The following MMEL1 variants were observed in gnomAD, a reference collection of about 807,000 sequenced individuals.
MMEL1 encodes the protein membrane metallo-endopeptidase-like 1.
In MMEL1, 98 loss-of-function variants were observed where a neutral mutation model predicts 117.1. That is an observed-to-expected ratio of 0.84 (90% CI 0.71 to 0.99). The LOEUF (loss-of-function observed/expected upper bound fraction) is 0.99, where lower values mean the gene tolerates loss of function less well. Among genes scored for constraint, MMEL1 ranks in the 50% least tolerant of loss-of-function variants. The pLI is 0.00. For missense variants in MMEL1, 1,014 were observed against 1,049.1 expected, an observed-to-expected ratio of 0.97 and a Z score of 0.46; for synonymous variants, 390 against 415.1, an observed-to-expected ratio of 0.94 and a Z score of 0.74.
chr1:2,602,553 C>T (rs920239311), intron 11 of MMEL1, among the ~76,000 whole-genome samples: 7 of 152,204 alleles, frequency 4.6e-5, no homozygotes, highest in African/African-American at 9.6e-5. Context: ...GCCCGGGCTA[C>T]GTGGCAGCCT....
chr1:2,619,336 C>T (rs571886979), intron 2 of MMEL1, among the ~76,000 whole-genome samples: 68 of 152,220 alleles, frequency 4.5e-4, no homozygotes, highest in African/African-American at 1.5e-3. Context: ...AATAAAATAA[C>T]GTAAGTACGT....
chr1:2,598,536 C>T, intron 12 of MMEL1, 118 bp downstream of exon 12: 1 of 1,498,556 alleles, frequency 6.7e-7, no homozygotes, highest in Non-Finnish European at 9.0e-7. Context: ...TCATGTCCCA[C>T]ACCCCTCAGG....
At chr1:2,631,486 G>A (rs1181021381) in intron 1 of MMEL1, among the ~76,000 whole-genome samples, 1 of 151,802 alleles carries the variant, frequency 6.6e-6, no homozygotes, top group African/African-American at 2.4e-5. Flanking sequence ...GCAACACCCT[G>A]CAAAGGTGGC....
chr1:2,630,617 CTG>C (rs1638508568), intron 1 of MMEL1, among the ~76,000 whole-genome samples: 1 of 140,316 alleles, frequency 7.1e-6, no homozygotes, highest in Non-Finnish European at 1.5e-5. Context: ...ATGTGTGTGA[CTG>C]CACGTGTGTG....
chr1:2,609,445 A>G (rs931263233), intron 5 of MMEL1, 26 bp from the exon 6 acceptor site: 3 of 1,601,722 alleles, frequency 1.9e-6, no homozygotes, highest in Non-Finnish European at 1.7e-6. Flanking sequence ...AAGGTTGGAC[A>G]GAGGCCTGAC....
chr1:2,604,052 CGGCCCACCCAGCACCCCCTCACCTT>C, intron 10 of MMEL1, 70 bp downstream of exon 10: 1 of 1,580,002 alleles, frequency 6.3e-7, no homozygotes, highest in Non-Finnish European at 8.6e-7. Flanking sequence ...TGCCTGCTAC[CGGCCCACCCAGCACCCCCTCACCTT>C]GGCCAGCCAC....
intron 11 of MMEL1, 46 bp from the exon 12 acceptor site, chr1:2,598,836 A>G: frequency 2.0e-6 from 3 of 1,537,576 alleles, no homozygotes; most frequent in Non-Finnish European, 2.7e-6. Context: ...AGAGAGAGGG[A>G]GAAACAGTTC....
chr1:2,603,229 C>T (rs1048915723), intron 11 of MMEL1, among the ~76,000 whole-genome samples: 2 of 152,192 alleles, frequency 1.3e-5, no homozygotes, highest in Non-Finnish European at 2.9e-5. Flanking sequence ...CTTTGGACCC[C>T]CTTCTGCCCT....
At chr1:2,625,969 G>A (rs946146260) in intron 2 of MMEL1, among the ~76,000 whole-genome samples, 2 of 152,148 alleles carry the variant, frequency 1.3e-5, no homozygotes, top group Non-Finnish European at 2.9e-5. Flanking sequence ...TTCACAGATG[G>A]TTCTGCATGA....
intron 6 of MMEL1, among the ~76,000 whole-genome samples, chr1:2,607,823 G>T (rs1016957892): frequency 1.8e-4 from 27 of 152,060 alleles, no homozygotes; most frequent in Admixed American, 7.2e-4. Flanking sequence ...GCTTGGCTAG[G>T]GTCCTATGCT....
chr1:2,609,682 C>T lies in MMEL1; in HGVS notation c.442G>A (p.Val148Ile). The T allele has an allele frequency of 6.2e-7, 1 of 1,610,298 alleles. No homozygotes were observed. Among genetic ancestry groups the T allele is most frequent in the Non-Finnish European group, 8.5e-7 (1 of 1,178,198 alleles). Residue 148 changes from valine to isoleucine, a missense_variant, in exon 5 of 24, where the codon GTC becomes ATC. Physicochemically the swap from Val to Ile is conservative, Grantham distance 29. Coordinates refer to ENST00000378412, the MANE Select transcript of MMEL1 (RefSeq NM_033467.4). Reference protein sequence around the residue: ...IFDVLRDELEVILKAVLENST... With the variant: ...IFDVLRDELEIILKAVLENST... ...CGTGCTCTGCCACCTTTGAGGATGA[C>T]CTCCAGCTCGTCGCGGAGGACGTCA...
intron 8 of MMEL1, 82 bp from the exon 9 acceptor site, chr1:2,605,705 C>A (rs1446444077): frequency 2.9e-6 from 3 of 1,052,480 alleles, no homozygotes; most frequent in African/African-American, 3.2e-5. Flanking sequence ...GCCGCCTCCC[C>A]ACAGGACTGT....
At chr1:2,593,075 G>T in intron 19 of MMEL1, 109 bp from the exon 20 acceptor site, 1 of 1,399,844 alleles carries the variant, frequency 7.1e-7, no homozygotes, top group Non-Finnish European at 9.8e-7. Context: ...GCCAGCCCCA[G>T]TACGGAGAGC....
chr1:2,625,586 T>G (rs774611226), intron 2 of MMEL1, among the ~76,000 whole-genome samples: 2 of 152,220 alleles, frequency 1.3e-5, no homozygotes, highest in African/African-American at 2.4e-5. Context: ...CCTGCTATCT[T>G]CTGCAGTTAA....
Position 2,595,180 on chromosome 1 carries a change from A to T in MMEL1, c.1584+96T>A, listed in dbSNP as rs1475329170. On this transcript the variant is annotated intron_variant, in intron 16 of 23. Coordinates refer to ENST00000378412, the MANE Select transcript of MMEL1 (RefSeq NM_033467.4). The surrounding 1 kb of genome is among the most constrained non-coding windows in gnomAD (Gnocchi z 4.8). ...GAGGACAGCTGTGTTAGCGCCTGGG[A>T]GGAGGGCACAGAGCTTGGCACAGAG... 4.5e-6 allele frequency: 5 copies of T among 1,122,708 alleles called. No homozygotes were observed. In the Admixed American group the frequency reaches 6.2e-5, roughly 14 times the overall value. The allele number at this position is 1,122,708 out of a possible 1,614,324, so 69.5% of individuals were successfully genotyped here. A position where few individuals can be genotyped will look rare whatever the true frequency, so the allele number is the denominator to read the frequency against.
rs1435406847 is a variant in MMEL1 at position 2,605,593 on chromosome 1, G to T, written c.781C>A (p.Arg261=). 2 of 1,612,916 alleles carry T rather than the reference G, an allele frequency of 1.2e-6. No homozygotes were observed. The highest frequency in any genetic ancestry group is 1.7e-6 in the Non-Finnish European group (2 of 1,179,462). The change falls in exon 9 of 24, where the codon CGA becomes AGA. Residue 261 remains arginine, a synonymous_variant. Transcript: ENST00000378412. ...CTGCCGCCGTTGAAGTAGTACTCTC[G>T]GGAGGGCATGCCCAAGGTGGGCTGG... ...IDQPTLGMPS[R]EYYFNGGSNR... is the part of the protein sequence containing the mutation.
In MMEL1 at chr1:2,596,089, T is replaced by C. The variant is rs1467775899; in HGVS notation, c.1420A>G (p.Lys474Glu). 1.9e-6 allele frequency: 3 copies of C among 1,613,828 alleles called. No individual in the cohort carries two copies. In the African/African-American group the frequency reaches 4.0e-5, roughly 22 times the overall value. The change falls in exon 15 of 24, where the codon AAG becomes GAG. Residue 474 changes from lysine to glutamate, a missense_variant. Lys to Glu is a moderately conservative substitution (Grantham distance 56). Transcript: ENST00000378412. The part of the protein sequence containing the change: ...SKSMVRELID[K>E]VRTVFVETLD... ...GTCTCCACAAACACTGTCCGCACCT[T>C]GTCAATGAGTTCTCTGACCTGGGAA... is the stretch of plus-strand genomic sequence containing the variant.
intron 11 of MMEL1, 99 bp from the exon 12 acceptor site, chr1:2,598,889 G>T: frequency 2.0e-6 from 2 of 1,018,666 alleles, no homozygotes; most frequent in Non-Finnish European, 2.8e-6. Context: ...GAATGTTCAA[G>T]GAATAAGAGA....
chr1:2,617,109 C>T (rs1227666755), intron 2 of MMEL1, among the ~76,000 whole-genome samples: 2 of 152,196 alleles, frequency 1.3e-5, no homozygotes, highest in East Asian at 3.9e-4. Flanking sequence ...ATGGCAAAAC[C>T]CCGTCTCTAC....
Sources: allele counts gnomAD v4.1 joint callset (sites outside exome capture counted in the v4.1 genomes callset), GRCh38; gene constraint gnomAD v4.1.1; non-coding constraint Gnocchi (gnomAD v3.1); transcripts MANE v1.5; gene names NCBI Gene and HGNC (gene_info 2026-07-23, HGNC 2026-07-21).